Variants in MAST4 observed in about 807,000 individuals in gnomAD.
The protein encoded by MAST4 is microtubule associated serine/threonine kinase family member 4.
MAST4 carries 89 observed loss-of-function variants against 162.7 expected under a neutral mutation model. That is an observed-to-expected ratio of 0.55 (90% CI 0.46 to 0.65). The LOEUF (loss-of-function observed/expected upper bound fraction) is 0.65, where lower values mean the gene tolerates loss of function less well. MAST4 is among the 30% of genes least tolerant of loss of function. The pLI, the probability that MAST4 is intolerant of heterozygous loss-of-function variation, is 0.00. For synonymous variants in MAST4, 1,479 were observed against 1,361.1 expected (o/e 1.09, Z -1.91); for missense variants, 3,153 against 3,374.0 (o/e 0.93, Z 1.62).
Position 67,163,363 on chromosome 5 carries a change from C to T in MAST4, c.4184C>T (p.Ser1395Leu). The T allele has an allele frequency of 6.2e-7, 1 of 1,612,632 alleles. No homozygotes were observed. Among genetic ancestry groups the T allele is most frequent in the African/African-American group, 1.3e-5 (1 of 75,054 alleles). ...PTPQPTSPQR[S>L]PSPLLGHSLG... Reference sequence around the variant, plus strand: ...CCGCAACCCACCTCCCCGCAGCGGTCACCATCCCCTCTTCTGGGACACTCA... The same window carrying T: ...CCGCAACCCACCTCCCCGCAGCGGTTACCATCCCCTCTTCTGGGACACTCA... The change falls in exon 29 of 29, where the codon TCA becomes TTA. Residue 1395 changes from serine to leucine, a missense_variant. By Grantham distance (145) the Ser-to-Leu change is moderately radical. Coordinates refer to ENST00000403625, the MANE Select transcript of MAST4 (RefSeq NM_001164664.2). This position sits in a 1 kb window ranked among gnomAD's most constrained non-coding sequence, Gnocchi z 7.0.
At chr5:67,028,021 TG>T (rs1383686513) in intron 4 of MAST4, among the ~76,000 whole-genome samples, 2 of 152,302 alleles carry the variant, frequency 1.3e-5, no homozygotes, top group Non-Finnish European at 2.9e-5. Context: ...TGCAGCTTTA[TG>T]GGAAATGCTG....
intron 3 of MAST4, among the ~76,000 whole-genome samples, chr5:66,823,947 T>C (rs532533257): frequency 2.0e-5 from 3 of 152,246 alleles, no homozygotes; most frequent in Admixed American, 6.5e-5. Flanking sequence ...GTATGTATTT[T>C]CATGAATCAT....
chr5:67,158,202 A>G (rs1358929593), intron 26 of MAST4, among the ~76,000 whole-genome samples: 2 of 152,164 alleles, frequency 1.3e-5, no homozygotes, highest in African/African-American at 4.8e-5. Flanking sequence ...TTACAAAATG[A>G]TTTTTCTCAT....
intron 3 of MAST4, among the ~76,000 whole-genome samples, chr5:66,852,001 T>G (rs906008217): frequency 1.1e-3 from 170 of 152,318 alleles, no homozygotes; most frequent in African/African-American, 3.8e-3. Flanking sequence ...ATGAACAGTT[T>G]TAGTACTGGG....
At chr5:66,928,440 G>A (rs953738180) in intron 4 of MAST4, among the ~76,000 whole-genome samples, 5 of 152,206 alleles carry the variant, frequency 3.3e-5, no homozygotes, top group Admixed American at 6.5e-5. Flanking sequence ...AAAGAAGTAC[G>A]AGTTGCTCTT....
intron 26 of MAST4, among the ~76,000 whole-genome samples, chr5:67,157,516 C>T (rs1396924859): frequency 2.6e-5 from 4 of 152,202 alleles, no homozygotes; most frequent in African/African-American, 9.7e-5. Context: ...ATGGCTCCTT[C>T]ATTTTATCTT....
chr5:66,791,174 C>G (rs1398292131), intron 3 of MAST4, among the ~76,000 whole-genome samples: 1 of 152,186 alleles, frequency 6.6e-6, no homozygotes, highest in Non-Finnish European at 1.5e-5. Context: ...CAGGAGTACA[C>G]CACCACGCCT....
intron 1 of MAST4, among the ~76,000 whole-genome samples, chr5:66,733,629 T>G (rs1471847979): frequency 6.6e-6 from 1 of 152,104 alleles, no homozygotes; most frequent in East Asian, 1.9e-4. Context: ...AGATAAGTTT[T>G]TGTATTTTTA....
At chr5:66,620,493 C>A (rs1456420276) in intron 1 of MAST4, among the ~76,000 whole-genome samples, 1 of 151,924 alleles carries the variant, frequency 6.6e-6, no homozygotes, top group Non-Finnish European at 1.5e-5. Flanking sequence ...GCATTGAACC[C>A]TAACTGATAG....
At chr5:66,658,360 G>T (rs367638692) in intron 1 of MAST4, among the ~76,000 whole-genome samples, 11 of 152,134 alleles carry the variant, frequency 7.2e-5, no homozygotes, top group Non-Finnish European at 1.3e-4. Flanking sequence ...TTACAAAGAC[G>T]GGCCTATTTC....
intron 1 of MAST4, among the ~76,000 whole-genome samples, chr5:66,608,545 T>TG (rs777118625): frequency 2.0e-5 from 3 of 151,980 alleles, no homozygotes; most frequent in Admixed American, 6.6e-5. Context: ...GGTATGTCTC[T>TG]GTCAGTATCC....
chr5:67,134,701 A>G lies in MAST4; in HGVS notation c.2392+13A>G, dbSNP rs1323387341. The stretch of plus-strand genomic sequence containing the variant: ...CAAGTCATCAGTGGTAAATATCATC[A>G]GGAGTTATCTTTAGGTCACTGTTGG... On this transcript the variant is annotated intron_variant, in intron 18 of 28. Transcript: ENST00000403625. 1 of 1,604,076 alleles carries G rather than the reference A, an allele frequency of 6.2e-7. No individual in the cohort carries two copies. Among genetic ancestry groups the G allele is most frequent in the East Asian group, 2.2e-5 (1 of 44,740 alleles).
intron 3 of MAST4, among the ~76,000 whole-genome samples, chr5:66,876,159 C>G (rs1761287685): frequency 6.6e-6 from 1 of 152,264 alleles, no homozygotes; most frequent in African/African-American, 2.4e-5. Context: ...TTAATTCTTA[C>G]CCCCAGAGTG....
At chr5:66,725,465 A>G (rs192246989) in intron 1 of MAST4, among the ~76,000 whole-genome samples, 9 of 152,272 alleles carry the variant, frequency 5.9e-5, no homozygotes, top group Non-Finnish European at 8.8e-5. Flanking sequence ...TAATGGTTCT[A>G]TTATCAACAA....
At chr5:66,893,335 A>G (rs1428371700) in intron 3 of MAST4, among the ~76,000 whole-genome samples, 1 of 151,614 alleles carries the variant, frequency 6.6e-6, no homozygotes, top group Non-Finnish European at 1.5e-5. Context: ...CCTCCTGAGT[A>G]GCTGGGACCA....
intron 1 of MAST4, among the ~76,000 whole-genome samples, chr5:66,748,642 A>G (rs1020072718): frequency 3.3e-5 from 5 of 151,384 alleles, no homozygotes; most frequent in Admixed American, 2.6e-4. Flanking sequence ...GGCGTGCGCA[A>G]CCACACCCAG....
intron 4 of MAST4, among the ~76,000 whole-genome samples, chr5:66,984,934 G>C (rs547340750): frequency 1.3e-5 from 2 of 152,260 alleles, no homozygotes; most frequent in East Asian, 3.9e-4. Context: ...TTGAATTTGA[G>C]ATCTTTATAT....
At chr5:66,734,924 AC>A in intron 1 of MAST4, among the ~76,000 whole-genome samples, 1 of 152,242 alleles carries the variant, frequency 6.6e-6, no homozygotes, top group East Asian at 1.9e-4. Context: ...CTTCCACGGG[AC>A]ACCTGTTAGC....
At position 67,164,202 on chromosome 5, in the gene MAST4, C is replaced by T. The variant is rs1359248845; in HGVS notation, c.5023C>T (p.Arg1675Ter). ...GTCCTCCCAGGCCAAGGAGCTTCTC[C>T]GATGTGAAAAGTTAGACAGCAAGCT... ...EKSSQAKELL[R>*]CEKLDSKLAN... The change falls in exon 29 of 29, where the codon CGA becomes TGA. Residue 1675 changes from arginine to a stop codon, truncating the protein, a stop_gained. Coordinates refer to ENST00000403625, the MANE Select transcript of MAST4 (RefSeq NM_001164664.2). LOFTEE classifies it low-confidence loss of function (END_TRUNC). This position sits in a 1 kb window ranked among gnomAD's most constrained non-coding sequence, Gnocchi z 5.3. 6.2e-7 allele frequency: 1 copy of T among 1,613,030 alleles called. No individual in the cohort carries two copies. Among genetic ancestry groups the T allele is most frequent in the Middle Eastern group, 1.7e-4 (1 of 6,060 alleles).
Sources: allele counts gnomAD v4.1 joint callset (sites outside exome capture counted in the v4.1 genomes callset), GRCh38; gene constraint gnomAD v4.1.1; non-coding constraint Gnocchi (gnomAD v3.1); transcripts MANE v1.5; gene names NCBI Gene and HGNC (gene_info 2026-07-23, HGNC 2026-07-21).